The following ZNF804A variants were observed in gnomAD, a reference collection of about 807,000 sequenced individuals.
ZNF804A encodes zinc finger protein 804A.
ZNF804A carries 2 observed loss-of-function variants against 16.5 expected under a neutral mutation model. That is an observed-to-expected ratio of 0.12 (90% CI 0.05 to 0.38). The LOEUF (loss-of-function observed/expected upper bound fraction) is 0.38, where lower values mean the gene tolerates loss of function less well. Among genes scored for constraint, ZNF804A ranks in the 10% least tolerant of loss-of-function variants. The pLI, the probability that ZNF804A is intolerant of heterozygous loss-of-function variation, is 0.99. For missense variants in ZNF804A, 1,473 were observed against 1,390.7 expected, an observed-to-expected ratio of 1.06 and a Z score of -0.94; for synonymous variants, 534 against 489.6, an observed-to-expected ratio of 1.09 and a Z score of -1.20.
chr2:184,919,541 T>C (rs1005361586), intron 2 of ZNF804A, among the ~76,000 whole-genome samples: 5 of 152,214 alleles, frequency 3.3e-5, no homozygotes. Flanking sequence ...GAGGTGACCT[T>C]TTGATGAGCA....
intron 1 of ZNF804A, among the ~76,000 whole-genome samples, chr2:184,855,342 T>C (rs1273795115): frequency 3.3e-5 from 5 of 152,078 alleles, no homozygotes; most frequent in African/African-American, 1.2e-4. Context: ...TCTTTTCCCA[T>C]TGGTTTCACA....
At chr2:184,671,578 G>C (rs13394608) in intron 1 of ZNF804A, among the ~76,000 whole-genome samples, 4,949 of 152,212 alleles carry the variant, frequency 0.033, 278 homozygotes, top group African/African-American at 0.11. Context: ...GCATTCCTCT[G>C]GGGTACAGCA....
chr2:184,829,298 T>C (rs2105794642), intron 1 of ZNF804A, among the ~76,000 whole-genome samples: 1 of 152,036 alleles, frequency 6.6e-6, no homozygotes, highest in East Asian at 1.9e-4. Context: ...ATGTGAGAAG[T>C]ATGTTAGAAT....
intron 1 of ZNF804A, among the ~76,000 whole-genome samples, chr2:184,765,438 A>T (rs1694107005): frequency 6.6e-6 from 1 of 152,054 alleles, no homozygotes; most frequent in South Asian, 2.1e-4. Context: ...TTAAAGACCC[A>T]CCCCTGACCT....
chr2:184,739,477 T>A (rs6751429), intron 1 of ZNF804A, among the ~76,000 whole-genome samples: 10,610 of 152,150 alleles, frequency 0.07, 1,273 homozygotes, highest in African/African-American at 0.24. Context: ...CACTGCAACC[T>A]CTGCATCCTG....
intron 1 of ZNF804A, among the ~76,000 whole-genome samples, chr2:184,861,371 A>G (rs1210597648): frequency 6.6e-6 from 1 of 152,118 alleles, no homozygotes; most frequent in Non-Finnish European, 1.5e-5. Flanking sequence ...CTTAGCTCTT[A>G]TGAAGGTATT....
At chr2:184,634,902 A>G (rs1272544356) in intron 1 of ZNF804A, among the ~76,000 whole-genome samples, 1 of 152,154 alleles carries the variant, frequency 6.6e-6, no homozygotes, top group Non-Finnish European at 1.5e-5. Flanking sequence ...AATTGTTTAT[A>G]TTGGTCATTG....
intron 1 of ZNF804A, among the ~76,000 whole-genome samples, chr2:184,631,412 T>C (rs1365895536): frequency 6.6e-6 from 1 of 152,194 alleles, no homozygotes; most frequent in Non-Finnish European, 1.5e-5. Flanking sequence ...GTGCAAAATG[T>C]TATGCCGGCT....
chr2:184,723,536 G>A (rs772433372), intron 1 of ZNF804A, among the ~76,000 whole-genome samples: 92 of 151,648 alleles, frequency 6.1e-4, no homozygotes, highest in African/African-American at 1.3e-3. Flanking sequence ...TTCCTGCATG[G>A]ATATCAGTTT....
chr2:184,615,751 G>A (rs1691309064), intron 1 of ZNF804A, among the ~76,000 whole-genome samples: 1 of 152,232 alleles, frequency 6.6e-6, no homozygotes, highest in Middle Eastern at 3.4e-3. Context: ...GGCAAGTTAA[G>A]TTTAGCCACC....
intron 1 of ZNF804A, among the ~76,000 whole-genome samples, chr2:184,859,533 T>C (rs573747280): frequency 4.5e-4 from 68 of 152,318 alleles, no homozygotes; most frequent in Admixed American, 1.2e-3. Flanking sequence ...CTGTGTTTTG[T>C]TAAAGTTCAC....
At chr2:184,851,166 C>A (rs1338797344) in intron 1 of ZNF804A, among the ~76,000 whole-genome samples, 5 of 151,766 alleles carry the variant, frequency 3.3e-5, no homozygotes, top group African/African-American at 9.7e-5. Flanking sequence ...TGCATTACCT[C>A]ATATACTTTT....
At chr2:184,860,180 C>T (rs1162048159) in intron 1 of ZNF804A, among the ~76,000 whole-genome samples, 1 of 152,180 alleles carries the variant, frequency 6.6e-6, no homozygotes, top group Non-Finnish European at 1.5e-5. Context: ...GGCATGTGGA[C>T]TTGCCTGTAA....
intron 1 of ZNF804A, among the ~76,000 whole-genome samples, chr2:184,702,196 A>G (rs571714180): frequency 2.1e-4 from 32 of 152,196 alleles, no homozygotes; most frequent in African/African-American, 7.2e-4. Flanking sequence ...AATTGTATCA[A>G]TAATTGCATA....
At chr2:184,645,409 G>A (rs1476807130) in intron 1 of ZNF804A, among the ~76,000 whole-genome samples, 1 of 152,128 alleles carries the variant, frequency 6.6e-6, no homozygotes, top group Non-Finnish European at 1.5e-5. Context: ...CTAAAGATAT[G>A]ATGACCAAAA....
intron 1 of ZNF804A, among the ~76,000 whole-genome samples, chr2:184,765,237 T>C (rs186603278): frequency 8.5e-5 from 13 of 152,242 alleles, no homozygotes; most frequent in East Asian, 7.7e-4. Flanking sequence ...TAGTGACTGA[T>C]TGGGCTGAAT....
At chr2:184,867,007 T>C (rs1220700652) in intron 2 of ZNF804A, among the ~76,000 whole-genome samples, 1 of 151,802 alleles carries the variant, frequency 6.6e-6, no homozygotes, top group Admixed American at 6.6e-5. Context: ...TTGAGTGTAC[T>C]ACAAATGGTC....
At chr2:184,788,956 A>G (rs1032616158) in intron 1 of ZNF804A, among the ~76,000 whole-genome samples, 2 of 152,004 alleles carry the variant, frequency 1.3e-5, no homozygotes, top group African/African-American at 2.4e-5. Flanking sequence ...ATTCAGCATG[A>G]TATTGGCTGT....
At chr2:184,910,413 T>C (rs987248198) in intron 2 of ZNF804A, among the ~76,000 whole-genome samples, 3 of 152,058 alleles carry the variant, frequency 2.0e-5, no homozygotes, top group Non-Finnish European at 4.4e-5. Context: ...TTTGCTATTG[T>C]GAATAGTGCT....
Sources: gnomAD v4.1 joint callset for allele counts (sites outside exome capture counted in the v4.1 genomes callset) on GRCh38, gnomAD v4.1.1 for gene constraint, MANE v1.5 for transcripts, NCBI Gene and HGNC (gene_info 2026-07-23, HGNC 2026-07-21) for gene names.